Variants in DIPK1A observed in about 807,000 individuals in gnomAD.
The protein encoded by DIPK1A is divergent protein kinase domain 1A, also known as family with sequence similarity 69 member A.
DIPK1A carries 27 observed loss-of-function variants against 40.8 expected under a neutral mutation model. The observed-to-expected ratio is 0.66, with a 90% CI of 0.49 to 0.91. The LOEUF is 0.91. DIPK1A is among the 40% of genes least tolerant of loss of function. The probability of loss-of-function intolerance (pLI) is 0.00; values close to 1 mark genes in which losing one functional copy is unlikely to be tolerated. For synonymous variants in DIPK1A, 166 were observed against 171.3 expected, an observed-to-expected ratio of 0.97 and a Z score of 0.24; for missense variants, 412 against 505.7, an observed-to-expected ratio of 0.81 and a Z score of 1.78.
intron 1 of DIPK1A, among the ~76,000 whole-genome samples, chr1:92,886,386 A>G (rs1557469472): frequency 1.3e-5 from 2 of 151,802 alleles, no homozygotes; most frequent in African/African-American, 4.8e-5. Flanking sequence ...GGGTGTCACT[A>G]TGTTACCCAG....
At chr1:92,902,610 C>A (rs1325113468) in intron 1 of DIPK1A, among the ~76,000 whole-genome samples, 1 of 152,138 alleles carries the variant, frequency 6.6e-6, no homozygotes, top group Non-Finnish European at 1.5e-5. Flanking sequence ...CTGCAGGGGA[C>A]CCTAATGGTG....
chr1:92,841,746 T>A, downstream of DIPK1A: 1 of 1,538,552 alleles, frequency 6.5e-7, no homozygotes, highest in South Asian at 1.1e-5. Context: ...TTAAAAAATA[T>A]ATATTCCTAT....
Position 92,836,674 on chromosome 1 carries a change from T to A in DIPK1A, c.475-3640A>T, listed in dbSNP as rs913889987. 2.3e-5 allele frequency: 9 copies of A among 399,866 alleles called. No individual in the cohort carries two copies. The Admixed American group carries it at 3.1e-4, about 14-fold the overall frequency. The allele number at this position is 399,866 out of a possible 1,614,324, so 24.8% of individuals were successfully genotyped here. ...CTTTTGCATATGACTTAATTCTTAT[T>A]AGAAATGAGCAACTCCATCCTCTTT... On this transcript the variant is annotated intron_variant, in intron 4 of 4. Coordinates refer to the DIPK1A transcript ENST00000615519.
At chr1:92,869,344 G>T in intron 2 of DIPK1A, among the ~76,000 whole-genome samples, 1 of 151,854 alleles carries the variant, frequency 6.6e-6, no homozygotes, top group Non-Finnish European at 1.5e-5. Context: ...ATTTTTTGTA[G>T]AGATGGATTC....
intron 1 of DIPK1A, among the ~76,000 whole-genome samples, chr1:92,960,569 G>A (rs1222616940): frequency 1.3e-5 from 2 of 152,168 alleles, no homozygotes; most frequent in Non-Finnish European, 2.9e-5. Context: ...GCAGTAGTAG[G>A]GTTCCAAGGC....
intron 1 of DIPK1A, among the ~76,000 whole-genome samples, chr1:92,940,591 A>C (rs1651114664): frequency 6.6e-6 from 1 of 152,188 alleles, no homozygotes; most frequent in South Asian, 2.1e-4. Context: ...TCAGCAATGG[A>C]GGTATTATGG....
chr1:92,846,609 C>T (rs1305745196), intron 4 of DIPK1A: 3 of 413,264 alleles, frequency 7.3e-6, no homozygotes, highest in Non-Finnish European at 1.4e-5. Context: ...AGTAAACATT[C>T]TCCAACACAG....
chr1:92,925,710 G>T (rs1180160499), intron 1 of DIPK1A, among the ~76,000 whole-genome samples: 3 of 152,000 alleles, frequency 2.0e-5, no homozygotes, highest in African/African-American at 7.2e-5. Flanking sequence ...TGGCCAGGCT[G>T]GTCTTGAACT....
rs554287034 is a variant in DIPK1A at position 92,932,713 on chromosome 1, A to G, written c.54+28663T>C. ...AAGCCAATCTGAAAAGGCTACATAC[A>G]TACTGTGGAATTCCAACTACATAAT... On this transcript the variant is annotated intron_variant, in intron 1 of 4. Coordinates refer to ENST00000370310, the MANE Select transcript of DIPK1A (RefSeq NM_001006605.5). 2.0e-5 allele frequency: 3 copies of G among 152,334 alleles called. No individual in the cohort carries two copies. In the South Asian group the frequency reaches 6.2e-4, roughly 32 times the overall value. 9.4% of individuals were successfully genotyped at this position (152,334 alleles called of 1,614,324 possible). A position where few individuals can be genotyped will look rare whatever the true frequency, so the allele number is the denominator to read the frequency against.
At chr1:92,946,573 G>C (rs1651369203) in intron 1 of DIPK1A, among the ~76,000 whole-genome samples, 1 of 152,098 alleles carries the variant, frequency 6.6e-6, no homozygotes, top group African/African-American at 2.4e-5. Context: ...CAATGGAGAG[G>C]GATAATGATG....
chr1:92,842,526 T>C lies in DIPK1A; in HGVS notation c.*857A>G, dbSNP rs1156930163. The C allele has an allele frequency of 1.0e-6, 1 of 983,640 alleles. No individual in the cohort carries two copies. Among genetic ancestry groups the C allele is most frequent in the African/African-American group, 1.7e-5 (1 of 57,212 alleles). 60.9% of individuals were successfully genotyped at this position (983,640 alleles called of 1,614,324 possible). A position where few individuals can be genotyped will look rare whatever the true frequency, so the allele number is the denominator to read the frequency against. Reference sequence around the variant, plus strand: ...TACATTTACATGCCTCTTTAAGAAATAGCCCTTTGGCCCACAGGATATACT... The same window carrying C: ...TACATTTACATGCCTCTTTAAGAAACAGCCCTTTGGCCCACAGGATATACT... On this transcript the variant is annotated 3_prime_UTR_variant, in exon 5 of 5. Transcript: ENST00000370310.
chr1:92,894,036 TC>T (rs1354405223), intron 1 of DIPK1A, among the ~76,000 whole-genome samples: 1 of 151,980 alleles, frequency 6.6e-6, no homozygotes, highest in Non-Finnish European at 1.5e-5. Flanking sequence ...AGACTTAGAC[TC>T]CCACACAATA....
intron 2 of DIPK1A, among the ~76,000 whole-genome samples, chr1:92,857,837 G>A (rs140071297): frequency 0.011 from 1,647 of 152,216 alleles, 19 homozygotes; most frequent in South Asian, 0.033. Context: ...TGCCTCCAGA[G>A]CCTGTTCTTT....
chr1:92,873,065 GA>G (rs756852014), intron 2 of DIPK1A, among the ~76,000 whole-genome samples: 18 of 152,134 alleles, frequency 1.2e-4, no homozygotes, highest in Non-Finnish European at 2.2e-4. Flanking sequence ...CCCATGCCCA[GA>G]ATCAGCAAAT....
chr1:92,837,026 A>ATG, intron 4 of DIPK1A: 1 of 276,312 alleles, frequency 3.6e-6, no homozygotes, highest in Non-Finnish European at 7.1e-6. Context: ...TGCTTTTATG[A>ATG]TGTGGAGGTG....
chr1:92,922,462 G>A (rs1650307691), intron 1 of DIPK1A, among the ~76,000 whole-genome samples: 1 of 151,988 alleles, frequency 6.6e-6, no homozygotes, highest in Non-Finnish European at 1.5e-5. Flanking sequence ...TTCGTCCGGG[G>A]AGAATAACTC....
rs71094206 is a variant in DIPK1A at position 92,844,940 on chromosome 1, CTTTTTTTTTT to C, written c.475-755_475-746del. ...CTATTTAATCTATATATTAGTATTT[CTTTTTTTTTT>C]TTTTTTTTTTTTGAGACGGAGTCTC... is the stretch of plus-strand genomic sequence containing the variant. On this transcript the variant is annotated intron_variant, in intron 4 of 4. Coordinates refer to ENST00000370310, the MANE Select transcript of DIPK1A (RefSeq NM_001006605.5). Among the ~76,000 whole-genome samples, 4 of 94,082 alleles carry C rather than the reference CTTTTTTTTTT, an allele frequency of 4.3e-5. No homozygotes were observed. In the Admixed American group the frequency reaches 5.6e-4, roughly 13 times the overall value. 61.7% of individuals were successfully genotyped at this position (94,082 alleles called of 152,430 possible).
At chr1:92,923,558 C>A (rs2100858052) in intron 1 of DIPK1A, among the ~76,000 whole-genome samples, 1 of 152,294 alleles carries the variant, frequency 6.6e-6, no homozygotes, top group East Asian at 1.9e-4. Flanking sequence ...GAGAGTTGCT[C>A]TTCCTCTAAA....
chr1:92,936,587 C>A (rs1050492087), intron 1 of DIPK1A, among the ~76,000 whole-genome samples: 7 of 151,416 alleles, frequency 4.6e-5, no homozygotes, highest in Non-Finnish European at 1.0e-4. Flanking sequence ...CGAGATCACA[C>A]CACTGCACTC....
Sources: gnomAD v4.1 joint callset for allele counts (sites outside exome capture counted in the v4.1 genomes callset) on GRCh38, gnomAD v4.1.1 for gene constraint, MANE v1.5 for transcripts, NCBI Gene and HGNC (gene_info 2026-07-23, HGNC 2026-07-21) for gene names.